Variants in ZNF800 observed in about 807,000 individuals in gnomAD.
ZNF800 encodes the protein zinc finger protein 800.
ZNF800 carries 13 observed loss-of-function variants against 59.5 expected under a neutral mutation model. That is an observed-to-expected ratio of 0.22 (90% CI 0.14 to 0.35). The LOEUF is 0.35. Among genes scored for constraint, ZNF800 ranks in the 10% least tolerant of loss-of-function variants. ZNF800 has a pLI of 1.00. For missense variants in ZNF800, 621 were observed against 783.7 expected (o/e 0.79, Z 2.48); for synonymous variants, 266 against 265.7 (o/e 1.00, Z -0.01).
intron 1 of ZNF800, chr7:127,362,530 T>C (rs1265660229): frequency 6.6e-6 from 1 of 152,166 alleles, no homozygotes; most frequent in Non-Finnish European, 1.5e-5. Context: ...TGCCTGTACT[T>C]TGCTATTATC....
intron 1 of ZNF800, among the ~76,000 whole-genome samples, chr7:127,354,715 T>C (rs1800234386): frequency 1.3e-5 from 2 of 152,126 alleles, no homozygotes; most frequent in Non-Finnish European, 2.9e-5. Context: ...CATATTAAAA[T>C]AATCTTTAAG....
chr7:127,361,029 C>G (rs182802892), intron 1 of ZNF800: 1 of 152,210 alleles, frequency 6.6e-6, no homozygotes, highest in South Asian at 2.1e-4. Flanking sequence ...GACACAAGGA[C>G]GGAAACAGCC....
chr7:127,383,540 G>A (rs1587451146), intron 3 of ZNF800, among the ~76,000 whole-genome samples: 1 of 152,170 alleles, frequency 6.6e-6, no homozygotes, highest in Admixed American at 6.5e-5. Context: ...GGAATAGGAA[G>A]AACAGAGCCT....
chr7:127,370,216 AAATT>A lies in ZNF800; in HGVS notation c.*1594_*1597del, dbSNP rs1402963284. 2 of 152,180 alleles carry A rather than the reference AAATT, an allele frequency of 1.3e-5. No individual in the cohort carries two copies. The highest frequency in any genetic ancestry group is 2.9e-5 in the Non-Finnish European group (2 of 68,008). The allele number at this position is 152,180 out of a possible 1,614,324, so 9.4% of individuals were successfully genotyped here. On this transcript the variant is annotated 3_prime_UTR_variant, in exon 6 of 6. Coordinates refer to ENST00000265827, the MANE Select transcript of ZNF800 (RefSeq NM_176814.5). ...GTAAATCTGTTTTTAAATTAAAGAG[AAATT>A]ATTACTCTATTTCTTAGAAATAAAA... is the stretch of plus-strand genomic sequence containing the variant.
At position 127,377,382 on chromosome 7, in the gene ZNF800, A is replaced by C; in HGVS notation, c.158-53T>G. On this transcript the variant is annotated intron_variant, in intron 3 of 5. Transcript: ENST00000265827. The surrounding 1 kb of genome is among the most constrained non-coding windows in gnomAD (Gnocchi z 4.7). ...AACACAAAAGGTAACTTTAACATGC[A>C]CTTTTAAACTGGACAACCACTGTTG... is the stretch of plus-strand genomic sequence containing the variant. 6.8e-7 allele frequency: 1 copy of C among 1,480,882 alleles called. No homozygotes were observed. Among genetic ancestry groups the C allele is most frequent in the Non-Finnish European group, 9.2e-7 (1 of 1,090,014 alleles). The allele number at this position is 1,480,882 out of a possible 1,614,324, so 91.7% of individuals were successfully genotyped here. A position where few individuals can be genotyped will look rare whatever the true frequency, so the allele number is the denominator to read the frequency against.
Position 127,373,600 on chromosome 7 carries a change from C to T in ZNF800, c.1736G>A (p.Arg579Lys). ...LNKVAKRGPS[R>K]DEAKHSDSKH... ...TGAATCACTATGTTTTGCTTCATCC[C>T]TCGAAGGGCCTCTTTTTGCCACTTT... The change falls in exon 5 of 6, where the codon AGG (arginine) becomes AAG (lysine). Residue 579 changes from arginine (R) to lysine (K), a missense_variant. Arg to Lys is a conservative substitution (Grantham distance 26, BLOSUM62 2). Around this residue, in one of 7 missense-constraint regions of ZNF800, gnomAD observed 94 missense variants for 108.5 expected, o/e 0.87. Transcript: ENST00000265827. The T allele has an allele frequency of 6.2e-7, 1 of 1,614,124 alleles. No individual in the cohort carries two copies. The highest frequency in any genetic ancestry group is 8.5e-7 in the Non-Finnish European group (1 of 1,180,018).
intron 3 of ZNF800, among the ~76,000 whole-genome samples, chr7:127,383,672 CATTAG>C (rs1412048652): frequency 2.0e-5 from 3 of 152,142 alleles, no homozygotes; most frequent in African/African-American, 7.2e-5. Context: ...CCACAGTAGA[CATTAG>C]ATTAACCAGA....
intron 3 of ZNF800, among the ~76,000 whole-genome samples, chr7:127,380,927 T>C (rs547987957): frequency 3.3e-5 from 5 of 152,222 alleles, no homozygotes; most frequent in Non-Finnish European, 7.4e-5. Context: ...TCACCCCTAA[T>C]AGGTGCTCAA....
At chr7:127,344,183 T>C (rs1158934997), downstream of ZNF800, among the ~76,000 whole-genome samples, 1 of 151,952 alleles carries the variant, frequency 6.6e-6, no homozygotes, top group Non-Finnish European at 1.5e-5. Context: ...AACTAGGGAG[T>C]ATTAATGAAA....
intron 1 of ZNF800, among the ~76,000 whole-genome samples, chr7:127,353,139 T>G (rs1023124339): frequency 6.6e-6 from 1 of 152,116 alleles, no homozygotes; most frequent in Non-Finnish European, 1.5e-5. Flanking sequence ...ACATATAAAC[T>G]TTTACCAAAG....
intron 4 of ZNF800, among the ~76,000 whole-genome samples, chr7:127,376,334 A>T (rs1426298607): frequency 6.6e-6 from 1 of 151,986 alleles, no homozygotes; most frequent in Non-Finnish European, 1.5e-5. Flanking sequence ...TTTCAGACTG[A>T]CAAAGTAAGT....
chr7:127,392,417 G>C lies in ZNF800; in HGVS notation c.-416C>G. ...ACCGAAGGAGCCGGAACCGGAGCGG[G>C]CAGGACCTGAGGCTTCCCTCGCCGG... On this transcript the variant is annotated 5_prime_UTR_variant, in exon 1 of 6. Transcript: ENST00000265827. 1 of 378,042 alleles carries C rather than the reference G, an allele frequency of 2.6e-6. No homozygotes were observed. 23.4% of individuals were successfully genotyped at this position (378,042 alleles called of 1,614,324 possible).
In ZNF800 at chr7:127,346,931, T is replaced by C. The variant is rs534967068; in HGVS notation, n.1337A>G. The C allele has an allele frequency of 1.6e-4, 25 of 152,618 alleles. 1 individual carries two copies. The highest frequency in any genetic ancestry group is 1.5e-3 in the Admixed American group (23 of 15,310). The allele number at this position is 152,618 out of a possible 1,614,324, so 9.5% of individuals were successfully genotyped here. A position where few individuals can be genotyped will look rare whatever the true frequency, so the allele number is the denominator to read the frequency against. ...GGTGTTTCCAAGCCAAACTTGCTCA[T>C]CAGAGGAGTCCTACATCTTCCATGA... On this transcript the variant is annotated non_coding_transcript_exon_variant, in exon 2 of 2. Coordinates refer to the ZNF800 transcript ENST00000485577.
chr7:127,358,728 C>T (rs181169443), intron 1 of ZNF800, among the ~76,000 whole-genome samples: 55 of 152,066 alleles, frequency 3.6e-4, no homozygotes, highest in African/African-American at 1.3e-3. Flanking sequence ...CTTAATATTC[C>T]ACTTCTGTGT....
At position 127,392,149 on chromosome 7, in the gene ZNF800, G is replaced by A; in HGVS notation, c.-148C>T. 7.6e-6 allele frequency: 3 copies of A among 394,644 alleles called. No individual in the cohort carries two copies. Among genetic ancestry groups the A allele is most frequent in the Non-Finnish European group, 1.3e-5 (3 of 223,500 alleles). The allele number at this position is 394,644 out of a possible 1,614,324, so 24.4% of individuals were successfully genotyped here. A position where few individuals can be genotyped will look rare whatever the true frequency, so the allele number is the denominator to read the frequency against. On this transcript the variant is annotated 5_prime_UTR_variant, in exon 1 of 6. Transcript: ENST00000265827. ...ACAGCCTGGCGTGGGAGGCGGCTGCGGGCCCCACCTGGCGCAGCCTCCGCT... is the reference window on the plus strand; with the variant it reads ...ACAGCCTGGCGTGGGAGGCGGCTGCAGGCCCCACCTGGCGCAGCCTCCGCT...
Position 127,392,048 on chromosome 7 carries a change from C to T in ZNF800, c.-59+12G>A, listed in dbSNP as rs1801342750. 5.1e-6 allele frequency: 2 copies of T among 389,166 alleles called. No homozygotes were observed. The highest frequency in any genetic ancestry group is 9.1e-6 in the Non-Finnish European group (2 of 220,134). 24.1% of individuals were successfully genotyped at this position (389,166 alleles called of 1,614,324 possible). A position where few individuals can be genotyped will look rare whatever the true frequency, so the allele number is the denominator to read the frequency against. ...GAGACCCCGTCCCCACAACCAAGTG[C>T]GCCCAACTTACTCAACTCTTAGGGC... On this transcript the variant is annotated intron_variant, in intron 1 of 5. Transcript: ENST00000265827.
chr7:127,386,198 G>A, intron 2 of ZNF800, 43 bp from the exon 3 acceptor site: 3 of 1,252,532 alleles, frequency 2.4e-6, no homozygotes, highest in Non-Finnish European at 3.4e-6. Context: ...CACAAAAAAA[G>A]GGTTATTTAA....
At chr7:127,352,108 A>G (rs1800177651) in intron 1 of ZNF800, among the ~76,000 whole-genome samples, 1 of 152,250 alleles carries the variant, frequency 6.6e-6, no homozygotes, top group Non-Finnish European at 1.5e-5. Context: ...GATAAATAAA[A>G]TTGAAGAATT....
intron 3 of ZNF800, among the ~76,000 whole-genome samples, chr7:127,385,146 TACAAA>T (rs1801099096): frequency 6.6e-6 from 1 of 152,218 alleles, no homozygotes; most frequent in African/African-American, 2.4e-5. Flanking sequence ...ATCTCATCAA[TACAAA>T]ACAAGTAGTT....
Sources: allele counts gnomAD v4.1 joint callset (sites outside exome capture counted in the v4.1 genomes callset), GRCh38; gene constraint gnomAD v4.1.1; regional missense constraint gnomAD v4.1.1; non-coding constraint Gnocchi (gnomAD v3.1); transcripts MANE v1.5; gene names NCBI Gene and HGNC (gene_info 2026-07-23, HGNC 2026-07-21).